STXBP4: variants seen among roughly 807,000 people sequenced by gnomAD.
The protein encoded by STXBP4 is syntaxin-binding protein 4.
Under a neutral mutation model 76.1 loss-of-function variants are expected in STXBP4, and 55 were observed. The observed-to-expected ratio is 0.72, with a 90% CI of 0.58 to 0.91. The LOEUF (loss-of-function observed/expected upper bound fraction) is 0.91, where lower values mean the gene tolerates loss of function less well. Among genes scored for constraint, STXBP4 ranks in the 40% least tolerant of loss-of-function variants. The pLI is 0.00. For synonymous variants in STXBP4, 201 were observed against 220.2 expected (o/e 0.91, Z 0.77); for missense variants, 618 against 636.9 (o/e 0.97, Z 0.32).
chr17:55,162,530 C>T lies in STXBP4; in HGVS notation c.*2619C>T, dbSNP rs982823494. 25 of 150,622 alleles carry T rather than the reference C, an allele frequency of 1.7e-4. No individual in the cohort carries two copies. Among genetic ancestry groups the T allele is most frequent in the African/African-American group, 6.1e-4 (25 of 40,798 alleles). 9.3% of individuals were successfully genotyped at this position (150,622 alleles called of 1,614,324 possible). On this transcript the variant is annotated 3_prime_UTR_variant, in exon 18 of 18. Coordinates refer to ENST00000376352, the MANE Select transcript of STXBP4 (RefSeq NM_178509.6). ...TGCTAAACACTGTGGTGAAGTAGAA[C>T]AATTGCTAATCATTTCCTGGGTTCC...
In STXBP4 at chr17:55,034,211, T is replaced by C. The variant is rs1190905070; in HGVS notation, c.807T>C (p.Asp269=). ...VARNLFCLQL[D]EVNVGAHEIS... Reference sequence around the variant, plus strand: ...GAAACTTGTTTTGCTTGCAGTTGGATGAAGTAAATGTTGGTGCACATGAAA... The same window carrying C: ...GAAACTTGTTTTGCTTGCAGTTGGACGAAGTAAATGTTGGTGCACATGAAA... Residue 269 remains aspartate, a synonymous_variant, in exon 10 of 18, where the codon GAT becomes GAC. Transcript: ENST00000376352. The C allele has an allele frequency of 1.8e-5, 29 of 1,612,428 alleles. No individual in the cohort carries two copies. The highest frequency in any genetic ancestry group is 2.3e-5 in the Non-Finnish European group (27 of 1,178,972).
intron 8 of STXBP4, among the ~76,000 whole-genome samples, chr17:55,013,168 A>G (rs973977768): frequency 6.6e-6 from 1 of 152,190 alleles, no homozygotes; most frequent in African/African-American, 2.4e-5. Context: ...TTGCCACTAC[A>G]TCAGTTTCCT....
chr17:55,195,539 C>T, the STXBP4 span, among the ~76,000 whole-genome samples: 1 of 152,140 alleles, frequency 6.6e-6, no homozygotes, highest in Non-Finnish European at 1.5e-5. Context: ...CTCAACAACT[C>T]GGACTCAAGT....
At position 55,168,425 on chromosome 17, in the gene STXBP4, G is replaced by C. The variant is rs946223048; in HGVS notation, c.*8514G>C. 2.1e-4 allele frequency: 32 copies of C among 152,030 alleles called. No individual in the cohort carries two copies. The highest frequency in any genetic ancestry group is 1.8e-4 in the Non-Finnish European group (12 of 67,980). The allele number at this position is 152,030 out of a possible 1,614,324, so 9.4% of individuals were successfully genotyped here. A position where few individuals can be genotyped will look rare whatever the true frequency, so the allele number is the denominator to read the frequency against. ...GTTTTTCCAATTAAGACTGTTCATT[G>C]ATTGTATTTCTTCTGTCTCTATAAG... On this transcript the variant is annotated 3_prime_UTR_variant, in exon 18 of 18. Transcript: ENST00000376352.
chr17:55,007,661 C>G, intron 8 of STXBP4, 64 bp downstream of exon 8: 1 of 1,295,244 alleles, frequency 7.7e-7, no homozygotes, highest in Non-Finnish European at 1.1e-6. Context: ...TATTCTCCTT[C>G]TTTGAGAGGA....
intron 4 of STXBP4, among the ~76,000 whole-genome samples, chr17:54,992,046 A>G (rs1456425043): frequency 6.6e-6 from 1 of 152,068 alleles, no homozygotes; most frequent in Non-Finnish European, 1.5e-5. Flanking sequence ...AACTTCCAAA[A>G]TAGTTGTAGT....
chr17:55,122,589 A>G (rs929727181), intron 16 of STXBP4, among the ~76,000 whole-genome samples: 8 of 152,250 alleles, frequency 5.3e-5, no homozygotes, highest in Non-Finnish European at 7.3e-5. Context: ...AGATATGGCT[A>G]TATTTAAAAA....
chr17:54,984,499 G>A (rs909010914), intron 1 of STXBP4, among the ~76,000 whole-genome samples: 6 of 151,540 alleles, frequency 4.0e-5, no homozygotes, highest in Admixed American at 6.6e-5. Flanking sequence ...CTGCCACCAC[G>A]CCCGGCTAAT....
chr17:55,185,290 T>TCCTC, the STXBP4 span, among the ~76,000 whole-genome samples: 3 of 90,194 alleles, frequency 3.3e-5, no homozygotes, highest in African/African-American at 9.3e-5. Context: ...TCCTTCTCCT[T>TCCTC]CTCCTTCTCC....
At chr17:55,031,144 T>C in intron 8 of STXBP4, 24 bp from the exon 9 acceptor site, 1 of 1,586,794 alleles carries the variant, frequency 6.3e-7, no homozygotes, top group Non-Finnish European at 8.6e-7. Context: ...AAAAATTGCT[T>C]TTCATGAGTC....
At chr17:55,001,912 G>A (rs1029580244) in intron 7 of STXBP4, among the ~76,000 whole-genome samples, 11 of 152,186 alleles carry the variant, frequency 7.2e-5, no homozygotes, top group South Asian at 2.1e-4. Context: ...GATGACAGGC[G>A]TGAGCCACCG....
chr17:55,001,215 T>C (rs964135884), intron 7 of STXBP4, among the ~76,000 whole-genome samples: 3 of 152,204 alleles, frequency 2.0e-5, no homozygotes, highest in South Asian at 4.1e-4. Context: ...AGTGCAATAC[T>C]GATGAGGCAT....
At chr17:55,059,602 A>C (rs1350576543) in intron 12 of STXBP4, among the ~76,000 whole-genome samples, 1 of 152,246 alleles carries the variant, frequency 6.6e-6, no homozygotes, top group Admixed American at 6.5e-5. Context: ...CTGTGATTGG[A>C]CAATGCTGAT....
intron 16 of STXBP4, among the ~76,000 whole-genome samples, chr17:55,120,947 G>A (rs1179014129): frequency 3.9e-5 from 6 of 152,118 alleles, no homozygotes; most frequent in Non-Finnish European, 8.8e-5. Context: ...TTCAACACAT[G>A]ATGGAATTTT....
At chr17:55,015,418 T>C (rs138348985) in intron 8 of STXBP4, among the ~76,000 whole-genome samples, 2,203 of 152,312 alleles carry the variant, frequency 0.014, 44 homozygotes, top group African/African-American at 0.041. Flanking sequence ...GCCAAACTCT[T>C]GGGCTGCAGT....
Position 55,005,792 on chromosome 17 carries a change from C to A in STXBP4, c.575-1714C>A, listed in dbSNP as rs567541624. ...CACCAAGCTGGAAGTCATTGACAAG[C>A]TTCACATATCCAAACCTTAAAGGAT... On this transcript the variant is annotated intron_variant, in intron 7 of 17. Coordinates refer to ENST00000376352, the MANE Select transcript of STXBP4 (RefSeq NM_178509.6). Among the ~76,000 whole-genome samples the A allele has an allele frequency of 6.6e-5, 10 of 152,302 alleles. No individual in the cohort carries two copies. In the East Asian group the frequency reaches 1.9e-3, roughly 29 times the overall value.
intron 12 of STXBP4, among the ~76,000 whole-genome samples, chr17:55,059,256 C>T (rs2078968027): frequency 6.6e-6 from 1 of 151,976 alleles, no homozygotes; most frequent in Non-Finnish European, 1.5e-5. Context: ...TTCAGATAAG[C>T]CTACTGTGTG....
chr17:55,044,291 G>A (rs549875952), intron 11 of STXBP4: 12 of 151,656 alleles, frequency 7.9e-5, no homozygotes, highest in South Asian at 2.1e-4. Context: ...CCACTAATTC[G>A]TCATAGGCAC....
At chr17:55,197,486 G>A in the STXBP4 span, among the ~76,000 whole-genome samples, 1 of 152,238 alleles carries the variant, frequency 6.6e-6, no homozygotes, top group Non-Finnish European at 1.5e-5. Context: ...GCTCACGCCT[G>A]TAATCCCAGC....
Sources: allele counts gnomAD v4.1 joint callset (sites outside exome capture counted in the v4.1 genomes callset), GRCh38; gene constraint gnomAD v4.1.1; transcripts MANE v1.5; gene names NCBI Gene and HGNC (gene_info 2026-07-23, HGNC 2026-07-21).